Variants in MIPOL1 observed in about 807,000 individuals in gnomAD.
The protein encoded by MIPOL1 is mirror-image polydactyly gene 1 protein.
A neutral mutation model predicts 60.9 loss-of-function variants in MIPOL1; 57 were observed. That is an observed-to-expected ratio of 0.94 (90% CI 0.76 to 1.17). MIPOL1 has a LOEUF of 1.17. Among genes scored for constraint, MIPOL1 ranks in the 50% most tolerant of loss-of-function variants. MIPOL1 has a pLI of 0.00. For synonymous variants in MIPOL1, 179 were observed against 168.8 expected, an observed-to-expected ratio of 1.06 and a Z score of -0.47; for missense variants, 551 against 511.6, an observed-to-expected ratio of 1.08 and a Z score of -0.74.
At chr14:37,488,604 G>A (rs990355233) in intron 11 of MIPOL1, among the ~76,000 whole-genome samples, 10 of 151,270 alleles carry the variant, frequency 6.6e-5, no homozygotes, top group East Asian at 3.9e-4. Context: ...CAAGTGCTTC[G>A]TACAGGAGCT....
chr14:37,362,959 C>G (rs1354390884), intron 9 of MIPOL1, among the ~76,000 whole-genome samples: 1 of 152,160 alleles, frequency 6.6e-6, no homozygotes, highest in East Asian at 1.9e-4. Context: ...TCAGCTCTGT[C>G]AGGTCATTTA....
At chr14:37,201,662 T>C (rs1020885955) in intron 1 of MIPOL1, among the ~76,000 whole-genome samples, 1 of 152,216 alleles carries the variant, frequency 6.6e-6, no homozygotes, top group Non-Finnish European at 1.5e-5. Flanking sequence ...TGACACCTCT[T>C]CCCAGGATGG....
intron 9 of MIPOL1, among the ~76,000 whole-genome samples, chr14:37,343,917 T>C (rs936412072): frequency 3.3e-5 from 5 of 152,128 alleles, no homozygotes; most frequent in African/African-American, 1.2e-4. Flanking sequence ...AGAGCTGGTA[T>C]CATGAATCCT....
intron 9 of MIPOL1, among the ~76,000 whole-genome samples, chr14:37,362,194 C>T (rs2092293810): frequency 6.6e-6 from 1 of 152,178 alleles, no homozygotes; most frequent in African/African-American, 2.4e-5. Context: ...GATGCAGTTT[C>T]TTCATAGCAT....
At chr14:37,290,425 C>T (rs1452834051) in intron 7 of MIPOL1, among the ~76,000 whole-genome samples, 1 of 152,034 alleles carries the variant, frequency 6.6e-6, no homozygotes, top group Non-Finnish European at 1.5e-5. Context: ...GGGGTTTCAC[C>T]ACATTGGCCA....
intron 10 of MIPOL1, among the ~76,000 whole-genome samples, chr14:37,398,244 G>T (rs1014849822): frequency 6.6e-6 from 1 of 152,122 alleles, no homozygotes; most frequent in Non-Finnish European, 1.5e-5. Flanking sequence ...CCTTCACTAG[G>T]GGCACGGTGG....
intron 1 of MIPOL1, among the ~76,000 whole-genome samples, chr14:37,230,064 T>G (rs530387045): frequency 6.6e-6 from 1 of 152,288 alleles, no homozygotes; most frequent in Admixed American, 6.5e-5. Flanking sequence ...GAGAGTAGAT[T>G]TTGTGTTTTC....
intron 10 of MIPOL1, chr14:37,385,532 C>T (rs2093040788): frequency 6.6e-6 from 1 of 152,076 alleles, no homozygotes; most frequent in Admixed American, 6.6e-5. Flanking sequence ...AAGAATGGCA[C>T]AGGCCTTCAG....
intron 1 of MIPOL1, among the ~76,000 whole-genome samples, chr14:37,202,518 C>T (rs533236751): frequency 3.9e-5 from 6 of 152,262 alleles, no homozygotes; most frequent in Middle Eastern, 3.4e-3. Flanking sequence ...AGCTTGGAGT[C>T]ACTACAAATT....
intron 1 of MIPOL1, among the ~76,000 whole-genome samples, chr14:37,243,217 C>G (rs1439222717): frequency 6.6e-6 from 1 of 151,926 alleles, no homozygotes; most frequent in Non-Finnish European, 1.5e-5. Flanking sequence ...CACTATTATC[C>G]CTTATCCTTT....
intron 10 of MIPOL1, among the ~76,000 whole-genome samples, chr14:37,398,742 G>A (rs1361066359): frequency 1.3e-5 from 2 of 152,138 alleles, no homozygotes; most frequent in Non-Finnish European, 2.9e-5. Context: ...AGGTGTGCAG[G>A]ACATTGAACG....
chr14:37,516,297 C>A (rs1223994882), intron 12 of MIPOL1, among the ~76,000 whole-genome samples: 1 of 151,920 alleles, frequency 6.6e-6, no homozygotes, highest in Non-Finnish European at 1.5e-5. Context: ...TTTTTTCAAC[C>A]TCAAAAATAA....
intron 12 of MIPOL1, among the ~76,000 whole-genome samples, chr14:37,528,581 G>T (rs1008816670): frequency 6.6e-6 from 1 of 152,018 alleles, no homozygotes; most frequent in Non-Finnish European, 1.5e-5. Flanking sequence ...ATAGCAGAAA[G>T]ATAACATTTC....
At chr14:37,401,302 A>C (rs2093476543) in intron 10 of MIPOL1, 1 of 152,164 alleles carries the variant, frequency 6.6e-6, no homozygotes, top group African/African-American at 2.4e-5. Flanking sequence ...TTGAGTTATC[A>C]AAATGAAAGT....
chr14:37,551,327 A>G (rs775533511), downstream of MIPOL1: 8 of 152,170 alleles, frequency 5.3e-5, no homozygotes, highest in Non-Finnish European at 1.0e-4. Flanking sequence ...TCCTGAAGAC[A>G]GTGTACTAGA....
chr14:37,400,159 A>C (rs1408301794), intron 10 of MIPOL1: 1 of 152,098 alleles, frequency 6.6e-6, no homozygotes, highest in Non-Finnish European at 1.5e-5. Context: ...GGAAAGACTG[A>C]CTTGGAGGCT....
intron 11 of MIPOL1, among the ~76,000 whole-genome samples, chr14:37,484,399 G>C (rs973489954): frequency 5.0e-5 from 7 of 140,104 alleles, no homozygotes; most frequent in Non-Finnish European, 9.0e-5. Context: ...GTGCAGTGGT[G>C]TAATCTTGGC....
chr14:37,403,678 C>A (rs540376095), intron 10 of MIPOL1, among the ~76,000 whole-genome samples: 1 of 151,994 alleles, frequency 6.6e-6, no homozygotes, highest in Non-Finnish European at 1.5e-5. Flanking sequence ...TTTATTACAA[C>A]CTTTCTTGGT....
At chr14:37,251,577 A>C (rs1031536673) in intron 3 of MIPOL1, among the ~76,000 whole-genome samples, 6 of 151,892 alleles carry the variant, frequency 4.0e-5, no homozygotes, top group Admixed American at 3.9e-4. Context: ...AAAAAATGAA[A>C]TGTCATAATC....
Sources: allele counts gnomAD v4.1 joint callset (sites outside exome capture counted in the v4.1 genomes callset), GRCh38; gene constraint gnomAD v4.1.1; transcripts MANE v1.5; gene names NCBI Gene and HGNC (gene_info 2026-07-23, HGNC 2026-07-21).